Variants in SEC63 observed in about 807,000 individuals in gnomAD.
The protein encoded by SEC63 is SEC63 protein translocation regulator, also known as translocation protein SEC63 homolog.
A neutral mutation model predicts 116.2 loss-of-function variants in SEC63; 56 were observed. The observed-to-expected ratio is 0.48, with a 90% confidence interval of 0.39 to 0.60. The LOEUF is 0.60. Among genes scored for constraint, SEC63 ranks in the 20% least tolerant of loss-of-function variants. SEC63 has a pLI of 0.00. For missense variants in SEC63, 668 were observed against 900.0 expected (o/e 0.74, Z 3.30); for synonymous variants, 273 against 294.6 (o/e 0.93, Z 0.75).
chr6:107,904,705 T>TA lies in SEC63; in HGVS notation c.977dup (p.Cys329ValfsTer10). 1 of 1,612,688 alleles carries TA rather than the reference T, an allele frequency of 6.2e-7. No individual in the cohort carries two copies. Among genetic ancestry groups the TA allele is most frequent in the Non-Finnish European group, 8.5e-7 (1 of 1,178,672 alleles). ...CTTGAAGTAGGGCAGGACACTTTTT[T>TA]AGCATGAATTGCTGATCTGCAAAAC... On this transcript the variant is annotated frameshift_variant, in exon 11 of 21. Transcript: ENST00000369002. LOFTEE classifies it high-confidence loss of function.
At chr6:107,918,330 A>G (rs1287313226) in intron 4 of SEC63, among the ~76,000 whole-genome samples, 5 of 152,218 alleles carry the variant, frequency 3.3e-5, no homozygotes, top group African/African-American at 9.6e-5. Context: ...GGAGCTGTAC[A>G]AACAGATTAA....
intron 17 of SEC63, 54 bp from the exon 18 acceptor site, chr6:107,881,304 T>C (rs1786410565): frequency 4.0e-6 from 5 of 1,239,156 alleles, no homozygotes; most frequent in Non-Finnish European, 3.5e-6. Flanking sequence ...TTTATCACTT[T>C]AAGGATTTCC....
intron 16 of SEC63, among the ~76,000 whole-genome samples, chr6:107,885,457 C>T (rs528694074): frequency 6.6e-6 from 1 of 152,278 alleles, no homozygotes; most frequent in African/African-American, 2.4e-5. Flanking sequence ...TGTGCCATAC[C>T]TCTGCCACTG....
intron 1 of SEC63, among the ~76,000 whole-genome samples, chr6:107,939,941 G>A (rs1264824637): frequency 6.6e-6 from 1 of 152,094 alleles, no homozygotes; most frequent in African/African-American, 2.4e-5. Context: ...CTCTTAACTT[G>A]AATCTGAATA....
intron 10 of SEC63, 69 bp downstream of exon 10, chr6:107,906,379 C>T (rs1057353958): frequency 6.6e-7 from 1 of 1,512,304 alleles, no homozygotes; most frequent in African/African-American, 1.4e-5. Context: ...CTAATACACA[C>T]CATTAAGTCT....
chr6:107,911,221 AAG>A, intron 7 of SEC63, 123 bp downstream of exon 7: 1 of 749,052 alleles, frequency 1.3e-6, no homozygotes. Context: ...CTTCAGTGGC[AAG>A]ACTCTTAAAT....
intron 14 of SEC63, among the ~76,000 whole-genome samples, chr6:107,894,578 A>C (rs1354813288): frequency 1.3e-5 from 2 of 152,188 alleles, no homozygotes; most frequent in African/African-American, 2.4e-5. Context: ...ATCCATTTAG[A>C]ATCAGTACAG....
intron 13 of SEC63, among the ~76,000 whole-genome samples, chr6:107,898,666 C>A (rs1786922626): frequency 6.6e-6 from 1 of 152,126 alleles, no homozygotes; most frequent in Non-Finnish European, 1.5e-5. Context: ...ATATTTCCCA[C>A]ACATATCCCC....
In SEC63 at chr6:107,928,576, A is replaced by G. The variant is rs117255600; in HGVS notation, c.224+839T>C. Among the ~76,000 whole-genome samples the G allele has an allele frequency of 6.6e-3, 1,005 of 151,488 alleles. 10 individuals are homozygous for G. The highest frequency in any genetic ancestry group is 8.8e-3 in the Non-Finnish European group (597 of 67,584). On this transcript the variant is annotated intron_variant, in intron 2 of 20. Coordinates refer to ENST00000369002, the MANE Select transcript of SEC63 (RefSeq NM_007214.5). Reference sequence around the variant, plus strand: ...AACTAAACGCCCTGAAATTATGCTGAAAAAAAACTATCATTTAAACCAAGA... The same window carrying G: ...AACTAAACGCCCTGAAATTATGCTGGAAAAAAACTATCATTTAAACCAAGA...
rs199945724 is a variant in SEC63 at position 107,904,587 on chromosome 6, G to A, written c.1054+42C>T. On this transcript the variant is annotated intron_variant, in intron 11 of 20. Transcript: ENST00000369002. ...TATGAAGTACAATCTGCATATGCTT[G>A]CAAGAAAAAGTATAACATAATTAAC... is the stretch of plus-strand genomic sequence containing the variant. 1.3e-3 allele frequency: 1,951 copies of A among 1,479,536 alleles called. 5 individuals carry two copies. The highest frequency in any genetic ancestry group is 1.7e-3 in the Middle Eastern group (10 of 5,796). The allele number at this position is 1,479,536 out of a possible 1,614,324, so 91.7% of individuals were successfully genotyped here. A position where few individuals can be genotyped will look rare whatever the true frequency, so the allele number is the denominator to read the frequency against.
intron 4 of SEC63, among the ~76,000 whole-genome samples, chr6:107,916,045 A>C (rs1278059216): frequency 6.6e-6 from 1 of 152,114 alleles, no homozygotes; most frequent in Non-Finnish European, 1.5e-5. Flanking sequence ...ACCACACATC[A>C]TAGTCAGATT....
At chr6:107,888,848 CAT>C (rs1786603902) in intron 16 of SEC63, among the ~76,000 whole-genome samples, 1 of 152,108 alleles carries the variant, frequency 6.6e-6, no homozygotes, top group South Asian at 2.1e-4. Context: ...TTGAGATAAT[CAT>C]GTGGTTTTTG....
intron 19 of SEC63, among the ~76,000 whole-genome samples, chr6:107,874,885 A>G (rs1471284915): frequency 2.0e-5 from 3 of 152,132 alleles, no homozygotes; most frequent in Non-Finnish European, 4.4e-5. Context: ...TAAAAATAAA[A>G]CCAAAAACTG....
Position 107,913,388 on chromosome 6 carries a change from A to G in SEC63, c.492T>C (p.Phe164=). 1 of 1,612,682 alleles carries G rather than the reference A, an allele frequency of 6.2e-7. No individual in the cohort carries two copies. The highest frequency in any genetic ancestry group is 1.3e-5 in the African/African-American group (1 of 75,032). Residue 164 remains phenylalanine, a synonymous_variant, in exon 5 of 21, where the codon TTT becomes TTC. Coordinates refer to ENST00000369002, the MANE Select transcript of SEC63 (RefSeq NM_007214.5). ...DEESRKNWEE[F]GNPDGPQATS... ...CACCTTGAGGCCCATCTGGATTTCCAAATTCTTCCCAATTTTTCCGGGACT... is the reference window on the plus strand; with the variant it reads ...CACCTTGAGGCCCATCTGGATTTCCGAATTCTTCCCAATTTTTCCGGGACT...
Position 107,958,121 on chromosome 6 carries a change from G to T in SEC63, c.-112C>A. ...GCGTAGCTTGGACACTGCCGCCGCC[G>T]CCTCTCCTCCCCGCCCCCACGCCAC... is the stretch of plus-strand genomic sequence containing the variant. On this transcript the variant is annotated 5_prime_UTR_variant, in exon 1 of 21. Coordinates refer to ENST00000369002, the MANE Select transcript of SEC63 (RefSeq NM_007214.5). 6.6e-7 allele frequency: 1 copy of T among 1,506,746 alleles called. No individual in the cohort carries two copies. The allele number at this position is 1,506,746 out of a possible 1,614,324, so 93.3% of individuals were successfully genotyped here.
intron 19 of SEC63, among the ~76,000 whole-genome samples, chr6:107,875,435 G>T (rs1786239821): frequency 6.6e-6 from 1 of 152,194 alleles, no homozygotes; most frequent in Non-Finnish European, 1.5e-5. Flanking sequence ...AGTGGCTCAT[G>T]CCTGTAATCC....
At chr6:107,935,184 C>A (rs183989052) in intron 1 of SEC63, among the ~76,000 whole-genome samples, 6,495 of 148,140 alleles carry the variant, frequency 0.044, 439 homozygotes, top group African/African-American at 0.15. Context: ...GTCAGCCCCC[C>A]GCCCGGCCAG....
chr6:107,901,276 A>C lies in SEC63; in HGVS notation c.1357+94T>G, dbSNP rs1181774330. The C allele has an allele frequency of 4.9e-6, 6 of 1,221,582 alleles. No homozygotes were observed. In the African/African-American group the frequency reaches 7.5e-5, roughly 15 times the overall value. The allele number at this position is 1,221,582 out of a possible 1,614,324, so 75.7% of individuals were successfully genotyped here. A position where few individuals can be genotyped will look rare whatever the true frequency, so the allele number is the denominator to read the frequency against. On this transcript the variant is annotated intron_variant, in intron 13 of 20. Transcript: ENST00000369002. ...GCAAAGTCTAATAACAAGTTATGTT[A>C]TTAAGTACAGTGTTTTGAGAATCCT...
rs1343628340 is a variant in SEC63, at chr6:107,911,405, G to A, written c.574-9C>T. ...CCATATACAAGTAAAACCTAAAATT[G>A]AAGAGAAAAAGAATTATGGCCTTCG... is the stretch of plus-strand genomic sequence containing the variant. On this transcript the variant is annotated splice_polypyrimidine_tract_variant and intron_variant, in intron 6 of 20. Coordinates refer to ENST00000369002, the MANE Select transcript of SEC63 (RefSeq NM_007214.5). The A allele has an allele frequency of 6.3e-7, 1 of 1,585,238 alleles. No homozygotes were observed. The highest frequency in any genetic ancestry group is 8.7e-7 in the Non-Finnish European group (1 of 1,154,360).
Sources: gnomAD v4.1 joint callset for allele counts (sites outside exome capture counted in the v4.1 genomes callset) on GRCh38, gnomAD v4.1.1 for gene constraint, MANE v1.5 for transcripts, NCBI Gene and HGNC (gene_info 2026-07-23, HGNC 2026-07-21) for gene names.